The following DSC3 variants were observed in gnomAD, a reference collection of about 807,000 sequenced individuals.
DSC3 encodes the protein desmocollin-3.
In DSC3, 97 loss-of-function variants were observed where a neutral mutation model predicts 89.5. The ratio of observed to expected loss-of-function variants is 1.08; its 90% CI spans 0.92 to 1.28. The LOEUF is 1.28. DSC3 is among the 50% of genes most tolerant of loss of function. The pLI is 0.00. For synonymous variants in DSC3, 436 were observed against 384.1 expected (o/e 1.14, Z -1.58); for missense variants, 1,199 against 1,085.3 (o/e 1.10, Z -1.47).
chr18:31,033,240 G>C (rs76313124), intron 1 of DSC3, among the ~76,000 whole-genome samples: 2,059 of 152,158 alleles, frequency 0.014, 58 homozygotes, highest in African/African-American at 0.047. Flanking sequence ...AATACAATCT[G>C]TATAAAAATC....
At chr18:31,004,506 CTTCAACCCT>C (rs1984773373) in intron 12 of DSC3, 140 bp from the exon 13 acceptor site, 2 of 732,930 alleles carry the variant, frequency 2.7e-6, no homozygotes, top group East Asian at 5.4e-5. Flanking sequence ...GGAGGACTGT[CTTCAACCCT>C]TTCAAACTCT....
Position 30,994,153 on chromosome 18 carries a change from A to C in DSC3, c.*22T>G, listed in dbSNP as rs757982410. ...GAAACCTCCAGAATGTCTGACAAAG[A>C]CCTAATTGTAGCACTGTGACATTAT... On this transcript the variant is annotated 3_prime_UTR_variant, in exon 16 of 16. Transcript: ENST00000360428. 6 of 1,609,014 alleles carry C rather than the reference A, an allele frequency of 3.7e-6. No homozygotes were observed. In the Admixed American group the frequency reaches 1.0e-4, roughly 27 times the overall value.
In DSC3 at chr18:31,018,765, TTG is replaced by T. The variant is rs1985319351; in HGVS notation, c.976_977del (p.Gln326ArgfsTer24). The T allele has an allele frequency of 6.2e-7, 1 of 1,613,728 alleles. No individual in the cohort carries two copies. The highest frequency in any genetic ancestry group is 8.5e-7 in the Non-Finnish European group (1 of 1,179,936). On this transcript the variant is annotated frameshift_variant, in exon 8 of 16. Coordinates refer to ENST00000360428, the MANE Select transcript of DSC3 (RefSeq NM_001941.5). LOFTEE classifies it high-confidence loss of function. Reference sequence around the variant, plus strand: ...ATCCAAAAAACTGGCCATCCATGTCTTGTACTTTCATTATCAATGAGTACTTG... The same window carrying T: ...ATCCAAAAAACTGGCCATCCATGTCTTACTTTCATTATCAATGAGTACTTG... ...VDKYSLIMKV[Q>X]DMDGQFFGLI... is the part of the protein sequence containing the mutation.
chr18:31,013,758 A>G (rs964628168), intron 9 of DSC3, among the ~76,000 whole-genome samples: 1 of 152,116 alleles, frequency 6.6e-6, no homozygotes, highest in African/African-American at 2.4e-5. Context: ...ATAGTTGGCA[A>G]TTATTTTACA....
At chr18:31,030,890 T>G in intron 3 of DSC3, 83 bp downstream of exon 3, 1 of 1,267,068 alleles carries the variant, frequency 7.9e-7, no homozygotes, top group Non-Finnish European at 1.1e-6. Context: ...AAATACCCTA[T>G]TTATCCTTGT....
rs1984917795 is a variant in DSC3 at position 31,008,084 on chromosome 18, A to T, written c.1595T>A (p.Ile532Asn). ...GGGAGTTTCAACCTCCCTATCCAGGATTTTGGAAGTTATGATTGACCCTGA... is the reference window on the plus strand; with the variant it reads ...GGGAGTTTCAACCTCCCTATCCAGGTTTTTGGAAGTTATGATTGACCCTGA... ...EISGSIITSK[I>N]LDREVETPKN... The change falls in exon 11 of 16, where the codon ATC becomes AAC. Residue 532 changes from isoleucine to asparagine, a missense_variant. Coordinates refer to ENST00000360428, the MANE Select transcript of DSC3 (RefSeq NM_001941.5). 1.2e-6 allele frequency: 2 copies of T among 1,612,978 alleles called. No individual in the cohort carries two copies. The highest frequency in any genetic ancestry group is 1.7e-6 in the Non-Finnish European group (2 of 1,179,604).
At chr18:31,022,012 A>G (rs1883863849) in intron 7 of DSC3, among the ~76,000 whole-genome samples, 1 of 152,134 alleles carries the variant, frequency 6.6e-6, no homozygotes, top group East Asian at 1.9e-4. Context: ...TAGAACAAGC[A>G]AAATTAATTG....
intron 12 of DSC3, among the ~76,000 whole-genome samples, chr18:31,006,168 C>G (rs1302942366): frequency 6.6e-6 from 1 of 152,110 alleles, no homozygotes; most frequent in Non-Finnish European, 1.5e-5. Flanking sequence ...CTTGCTATAT[C>G]CCGCCAGGTT....
chr18:31,010,773 G>T (rs371514366), intron 9 of DSC3, among the ~76,000 whole-genome samples: 1 of 152,132 alleles, frequency 6.6e-6, no homozygotes. Context: ...GCCCATATGC[G>T]TCACTGCTGC....
chr18:31,022,228 G>A, intron 7 of DSC3, 108 bp downstream of exon 7: 3 of 1,320,778 alleles, frequency 2.3e-6, no homozygotes, highest in South Asian at 1.3e-5. Flanking sequence ...ATTGTCTTAT[G>A]CCTAAAATAA....
Position 31,008,133 on chromosome 18 carries a change from C to T in DSC3, c.1546G>A (p.Gly516Ser), listed in dbSNP as rs751337817. The T allele has an allele frequency of 3.7e-6, 6 of 1,611,864 alleles. No homozygotes were observed. In the Admixed American group the frequency reaches 8.4e-5, roughly 22 times the overall value. ...LRYKKLHDPK[G>S]WITIDEISGS... ...GAAATTTCATCAATGGTGATCCAAC[C>T]TTTAGGATCATGCAATTTTTTGTAC... is the stretch of plus-strand genomic sequence containing the variant. The change falls in exon 11 of 16, where the codon GGT (glycine) becomes AGT (serine). Residue 516 changes from glycine to serine, a missense_variant. Coordinates refer to ENST00000360428, the MANE Select transcript of DSC3 (RefSeq NM_001941.5).
intron 9 of DSC3, among the ~76,000 whole-genome samples, chr18:31,011,159 G>A (rs543550721): frequency 6.6e-6 from 1 of 152,312 alleles, no homozygotes; most frequent in South Asian, 2.1e-4. Flanking sequence ...CATCCTAGCT[G>A]TGTGGCATTG....
chr18:30,994,793 G>A (rs1400099764), intron 15 of DSC3, among the ~76,000 whole-genome samples: 1 of 152,104 alleles, frequency 6.6e-6, no homozygotes, highest in African/African-American at 2.4e-5. Context: ...TTGGGCAAGT[G>A]ACCAAATATC....
In DSC3 at chr18:31,008,452, T is replaced by A; in HGVS notation, c.1337A>T (p.Asp446Val). Reference sequence around the variant, plus strand: ...GTTCAAGGCTGTCACTCTGGGAATATCTCTAGCAAATGGCGCTTCATTGTT... The same window carrying A: ...GTTCAAGGCTGTCACTCTGGGAATAACTCTAGCAAATGGCGCTTCATTGTT... Reference protein sequence around the residue: ...GVNNEAPFARDIPRVTALNRA... With the variant: ...GVNNEAPFARVIPRVTALNRA... Residue 446 changes from aspartate to valine, a missense_variant, in exon 10 of 16, where the codon GAT (aspartate) becomes GTT (valine). Transcript: ENST00000360428. The A allele has an allele frequency of 1.2e-6, 2 of 1,614,184 alleles. No homozygotes were observed. The highest frequency in any genetic ancestry group is 1.7e-6 in the Non-Finnish European group (2 of 1,180,028).
intron 9 of DSC3, among the ~76,000 whole-genome samples, chr18:31,009,062 T>C (rs758110424): frequency 4.6e-5 from 7 of 152,186 alleles, no homozygotes; most frequent in Admixed American, 1.3e-4. Flanking sequence ...TATTTTATTT[T>C]TGAGACAGAG....
intron 8 of DSC3, 32 bp downstream of exon 8, chr18:31,018,634 G>C (rs1249468459): frequency 5.0e-6 from 8 of 1,606,324 alleles, no homozygotes; most frequent in Non-Finnish European, 6.8e-6. Flanking sequence ...TAGCAGATAA[G>C]ACAGAGGCAG....
intron 1 of DSC3, among the ~76,000 whole-genome samples, chr18:31,041,552 C>T (rs1036707379): frequency 1.1e-4 from 17 of 152,174 alleles, no homozygotes; most frequent in Admixed American, 8.5e-4. Flanking sequence ...TCACTGCCGA[C>T]GCGGGTATAG....
chr18:31,008,220 CAAT>C lies in DSC3; in HGVS notation c.1520+46_1520+48del, dbSNP rs770302310. ...AATGTTTTCAAATAAGTTACTATCT[CAAT>C]GATTACAAATACATTATTAGTATGT... On this transcript the variant is annotated intron_variant, in intron 10 of 15. Coordinates refer to ENST00000360428, the MANE Select transcript of DSC3 (RefSeq NM_001941.5). The C allele has an allele frequency of 1.9e-6, 3 of 1,610,306 alleles. No homozygotes were observed. In the Admixed American group the frequency reaches 5.0e-5, roughly 27 times the overall value.
At chr18:31,007,213 A>G in intron 11 of DSC3, 82 bp from the exon 12 acceptor site, 1 of 931,194 alleles carries the variant, frequency 1.1e-6, no homozygotes, top group Non-Finnish European at 1.7e-6. Flanking sequence ...ATTATATTCT[A>G]TACATGATCT....
Sources: allele counts gnomAD v4.1 joint callset (sites outside exome capture counted in the v4.1 genomes callset), GRCh38; gene constraint gnomAD v4.1.1; transcripts MANE v1.5; gene names NCBI Gene and HGNC (gene_info 2026-07-23, HGNC 2026-07-21).